AGO2: variants seen among roughly 807,000 people sequenced by gnomAD.
AGO2 encodes the protein argonaute RISC catalytic component 2.
In AGO2, 5 loss-of-function variants were observed where a neutral mutation model predicts 102.3. That is an observed-to-expected ratio of 0.05 (90% CI 0.03 to 0.10). The LOEUF (loss-of-function observed/expected upper bound fraction) is 0.10. Ranked by LOEUF, AGO2 falls within the 10% of genes least tolerant of loss-of-function variation. AGO2 has a pLI of 1.00. For missense variants in AGO2, 541 were observed against 1,183.7 expected, an observed-to-expected ratio of 0.46 and a Z score of 7.97; for synonymous variants, 449 against 473.1, an observed-to-expected ratio of 0.95 and a Z score of 0.66.
intron 1 of AGO2, among the ~76,000 whole-genome samples, chr8:140,616,476 GATA>G (rs1394688066): frequency 8.7e-5 from 13 of 149,274 alleles, no homozygotes; most frequent in African/African-American, 3.2e-4. Flanking sequence ...ATCACTTATT[GATA>G]ATAATTGCAA....
intron 3 of AGO2, among the ~76,000 whole-genome samples, chr8:140,563,524 T>C (rs535340216): frequency 2.0e-5 from 3 of 152,306 alleles, no homozygotes; most frequent in African/African-American, 7.2e-5. Context: ...GCGTGAGCCA[T>C]TGTGCCTGGC....
At chr8:140,545,186 G>A (rs995540441) in intron 13 of AGO2, among the ~76,000 whole-genome samples, 4 of 152,108 alleles carry the variant, frequency 2.6e-5, no homozygotes, top group East Asian at 1.9e-4. Flanking sequence ...CCTGCCTTGC[G>A]GCAGAGCTCC....
intron 1 of AGO2, among the ~76,000 whole-genome samples, chr8:140,612,580 G>A (rs1245633282): frequency 6.6e-6 from 1 of 152,022 alleles, no homozygotes; most frequent in Non-Finnish European, 1.5e-5. Context: ...GGCCAACATG[G>A]TGAAACCCCA....
At chr8:140,571,167 G>T (rs944707058) in intron 3 of AGO2, among the ~76,000 whole-genome samples, 1 of 152,116 alleles carries the variant, frequency 6.6e-6, no homozygotes, top group African/African-American at 2.4e-5. Context: ...CAGTGACAAC[G>T]CACAGACCAC....
upstream of AGO2, among the ~76,000 whole-genome samples, chr8:140,639,623 A>G (rs894663320): frequency 6.6e-6 from 1 of 151,984 alleles, no homozygotes; most frequent in Admixed American, 6.5e-5. Flanking sequence ...ATAAAAAAAA[A>G]TTAGCTGAAC....
At chr8:140,534,506 G>A (rs1382413383) in intron 17 of AGO2, among the ~76,000 whole-genome samples, 2 of 152,206 alleles carry the variant, frequency 1.3e-5, no homozygotes, top group African/African-American at 4.8e-5. Flanking sequence ...TCCATCGCCT[G>A]CTTCTCAACA....
intron 1 of AGO2, among the ~76,000 whole-genome samples, chr8:140,588,191 G>A (rs1415596101): frequency 6.6e-6 from 1 of 152,210 alleles, no homozygotes; most frequent in African/African-American, 2.4e-5. Flanking sequence ...GCTTTCAGTT[G>A]CTTCCATAAG....
intron 1 of AGO2, among the ~76,000 whole-genome samples, chr8:140,623,509 G>A (rs890325124): frequency 6.6e-6 from 1 of 152,202 alleles, no homozygotes; most frequent in Non-Finnish European, 1.5e-5. Flanking sequence ...GCCTCCAGCA[G>A]CCAGTCAGCA....
In AGO2 at chr8:140,541,358, C is replaced by A; in HGVS notation, c.1840G>T (p.Val614Leu). The change falls in exon 15 of 19, where the codon GTG becomes TTG. Residue 614 changes from valine to leucine, a missense_variant and splice_region_variant. Val to Leu is a conservative substitution (Grantham distance 32). This residue lies in a region of AGO2 where 309 missense variants were observed against 735.1 expected (regional missense o/e 0.42). Coordinates refer to ENST00000220592, the MANE Select transcript of AGO2 (RefSeq NM_012154.5). ...GDGKKPSIAA[V>L]VGSMDAHPNR... ...GGGTGGGCGTCCATGCTGCCCACCA[C>A]CTGCAGGAACAGGCAGTGAGTGTGG... is the stretch of plus-strand genomic sequence containing the variant. 1 of 1,599,166 alleles carries A rather than the reference C, an allele frequency of 6.3e-7. No individual in the cohort carries two copies. The highest frequency in any genetic ancestry group is 8.5e-7 in the Non-Finnish European group (1 of 1,173,974).
At position 140,561,610 on chromosome 8, in the gene AGO2, T is replaced by A. The variant is rs145842786; in HGVS notation, c.518+843A>T. ...TGTGTTCCTGCCGGGAGTGACAGCC[T>A]GTCCTGTATTTGGTCACCTCCTCCC... On this transcript the variant is annotated intron_variant, in intron 4 of 18. Coordinates refer to ENST00000220592, the MANE Select transcript of AGO2 (RefSeq NM_012154.5). Among the ~76,000 whole-genome samples, 226 of 152,274 alleles carry A rather than the reference T, an allele frequency of 1.5e-3. 1 individual carries two copies. The highest frequency in any genetic ancestry group is 5.2e-3 in the African/African-American group (217 of 41,548).
intron 10 of AGO2, chr8:140,555,606 G>A (rs1356675703): frequency 2.9e-5 from 9 of 311,416 alleles, no homozygotes; most frequent in Admixed American, 9.8e-5. Flanking sequence ...GAAATAATTC[G>A]ACCCTCGGTG....
At chr8:140,558,622 T>C in intron 6 of AGO2, 50 bp from the exon 7 acceptor site, 1 of 1,583,810 alleles carries the variant, frequency 6.3e-7, no homozygotes, top group Non-Finnish European at 8.7e-7. Context: ...CCGACCTGAG[T>C]GCAGGCGCCA....
At chr8:140,562,665 C>T (rs1416974922) in intron 3 of AGO2, 31 bp from the exon 4 acceptor site, 2 of 1,602,606 alleles carry the variant, frequency 1.2e-6, no homozygotes, top group Non-Finnish European at 1.7e-6. Context: ...CAAGGTTACT[C>T]CCTCCTGCGA....
intron 1 of AGO2, among the ~76,000 whole-genome samples, chr8:140,626,060 A>C (rs1223215155): frequency 6.6e-6 from 1 of 152,236 alleles, no homozygotes; most frequent in Non-Finnish European, 1.5e-5. Flanking sequence ...CACCACGGCA[A>C]AGCCATGGGC....
In AGO2 at chr8:140,539,446, G is replaced by A. The variant is rs1375719906; in HGVS notation, c.2043C>T (p.His681=). 5.0e-6 allele frequency: 8 copies of A among 1,613,214 alleles called. No homozygotes were observed. Among genetic ancestry groups the A allele is most frequent in the Non-Finnish European group, 6.8e-6 (8 of 1,179,480 alleles). Residue 681 remains histidine (H), a synonymous_variant, in exon 16 of 19, where the codon CAC becomes CAT. Transcript: ENST00000220592. The surrounding 1 kb of genome is among the most constrained non-coding windows in gnomAD (Gnocchi z 4.7). Reference sequence around the variant, plus strand: ...CCTCACGGATGGCCAGCAACTCGTGGTGGAGAACCTAGGGGTACGGGAGGG... The same window carrying A: ...CCTCACGGATGGCCAGCAACTCGTGATGGAGAACCTAGGGGTACGGGAGGG... ...VSEGQFQQVL[H]HELLAIREAC... is the part of the protein sequence containing the mutation.
chr8:140,531,049 A>G lies in AGO2; in HGVS notation c.*995T>C, dbSNP rs2072587098. ...TGCATATTCCTGTCCTTAAGCACTAAGAACTGAGAGGCGGTCCCATCTCCA... is the reference window on the plus strand; with the variant it reads ...TGCATATTCCTGTCCTTAAGCACTAGGAACTGAGAGGCGGTCCCATCTCCA... On this transcript the variant is annotated 3_prime_UTR_variant, in exon 19 of 19. Transcript: ENST00000220592. 6.6e-6 allele frequency: 1 copy of G among 152,322 alleles called. No homozygotes were observed. The highest frequency in any genetic ancestry group is 2.4e-5 in the African/African-American group (1 of 41,424). 9.4% of individuals were successfully genotyped at this position (152,322 alleles called of 1,614,324 possible).
At chr8:140,586,535 C>T (rs2073658940) in intron 1 of AGO2, among the ~76,000 whole-genome samples, 1 of 152,146 alleles carries the variant, frequency 6.6e-6, no homozygotes, top group Non-Finnish European at 1.5e-5. Context: ...AAGCAGCACC[C>T]ATGCTGCCAC....
At chr8:140,580,881 T>C (rs1189613888) in intron 2 of AGO2, among the ~76,000 whole-genome samples, 1 of 152,268 alleles carries the variant, frequency 6.6e-6, no homozygotes, top group Non-Finnish European at 1.5e-5. Context: ...TGCATGCAGC[T>C]CTTGCCCTGC....
At chr8:140,533,536 G>A (rs971641057) in intron 17 of AGO2, among the ~76,000 whole-genome samples, 2 of 152,174 alleles carry the variant, frequency 1.3e-5, no homozygotes, top group Non-Finnish European at 2.9e-5. Context: ...GCCAGGTGCA[G>A]TGGATCATGC....
Sources: allele counts gnomAD v4.1 joint callset (sites outside exome capture counted in the v4.1 genomes callset), GRCh38; gene constraint gnomAD v4.1.1; regional missense constraint gnomAD v4.1.1; non-coding constraint Gnocchi (gnomAD v3.1); transcripts MANE v1.5; gene names NCBI Gene and HGNC (gene_info 2026-07-23, HGNC 2026-07-21).